CDH12: variants seen among roughly 807,000 people sequenced by gnomAD.
The protein encoded by CDH12 is cadherin 12.
A neutral mutation model predicts 74.1 loss-of-function variants in CDH12; 41 were observed. That is an observed-to-expected ratio of 0.55 (90% CI 0.43 to 0.72). The LOEUF (loss-of-function observed/expected upper bound fraction) is 0.72, where lower values mean the gene tolerates loss of function less well. Ranked by LOEUF, CDH12 falls within the 30% of genes least tolerant of loss-of-function variation. The probability of loss-of-function intolerance (pLI) is 0.00; values close to 1 mark genes in which losing one functional copy is unlikely to be tolerated. For missense variants in CDH12, 945 were observed against 977.2 expected, an observed-to-expected ratio of 0.97 and a Z score of 0.44; for synonymous variants, 399 against 355.0, an observed-to-expected ratio of 1.12 and a Z score of -1.39.
At chr5:22,411,241 A>G (rs1743157747) in intron 2 of CDH12, among the ~76,000 whole-genome samples, 1 of 152,062 alleles carries the variant, frequency 6.6e-6, no homozygotes, top group African/African-American at 2.4e-5. Flanking sequence ...AAAACTGCAT[A>G]TTAATAAATT....
intron 1 of CDH12, among the ~76,000 whole-genome samples, chr5:22,785,714 C>T (rs907419177): frequency 6.6e-6 from 1 of 152,042 alleles, no homozygotes; most frequent in Non-Finnish European, 1.5e-5. Flanking sequence ...GATGGGGTTT[C>T]GCCATGTTGC....
At chr5:22,175,976 C>T (rs573361570) in intron 4 of CDH12, among the ~76,000 whole-genome samples, 49 of 151,646 alleles carry the variant, frequency 3.2e-4, no homozygotes, top group African/African-American at 1.1e-3. Flanking sequence ...ATGTGTAGAT[C>T]ATTATAGGGC....
chr5:22,670,428 T>C (rs1488970920), intron 1 of CDH12, among the ~76,000 whole-genome samples: 2 of 152,200 alleles, frequency 1.3e-5, no homozygotes, highest in African/African-American at 4.8e-5. Context: ...AACAGAAAGC[T>C]GCCTCTACCA....
chr5:22,327,887 T>C (rs1739188335), intron 3 of CDH12, among the ~76,000 whole-genome samples: 1 of 152,180 alleles, frequency 6.6e-6, no homozygotes, highest in Non-Finnish European at 1.5e-5. Flanking sequence ...ATAAATAGAT[T>C]CCAAAAATAT....
chr5:21,880,689 T>TTCTTTCTA (rs1752303297), intron 6 of CDH12, among the ~76,000 whole-genome samples: 2 of 131,588 alleles, frequency 1.5e-5, no homozygotes, highest in African/African-American at 5.6e-5. Flanking sequence ...CTTTCTTTCT[T>TTCTTTCTA]TCTCTTTTCT....
At chr5:21,914,040 C>T (rs138159656) in intron 6 of CDH12, among the ~76,000 whole-genome samples, 1 of 152,130 alleles carries the variant, frequency 6.6e-6, no homozygotes, top group East Asian at 1.9e-4. Flanking sequence ...CCTTTTGATG[C>T]CAGAAAGGAC....
intron 3 of CDH12, among the ~76,000 whole-genome samples, chr5:22,221,400 T>C (rs1752009062): frequency 6.6e-6 from 1 of 151,892 alleles, no homozygotes; most frequent in Non-Finnish European, 1.5e-5. Context: ...TATATTATTC[T>C]ATCTGTAAAT....
chr5:22,739,138 T>C (rs1413245688), intron 1 of CDH12, among the ~76,000 whole-genome samples: 1 of 152,048 alleles, frequency 6.6e-6, no homozygotes, highest in Non-Finnish European at 1.5e-5. Flanking sequence ...GTTATCATGT[T>C]AATTTGGTTT....
chr5:22,584,128 T>C (rs1242429096), intron 1 of CDH12, among the ~76,000 whole-genome samples: 2 of 151,584 alleles, frequency 1.3e-5, no homozygotes, highest in Non-Finnish European at 1.5e-5. Flanking sequence ...TGAGACGGAG[T>C]CTTGCTCTGT....
intron 2 of CDH12, among the ~76,000 whole-genome samples, chr5:22,411,501 A>G (rs1367530268): frequency 6.6e-6 from 1 of 152,006 alleles, no homozygotes; most frequent in Non-Finnish European, 1.5e-5. Context: ...GCATAAATAA[A>G]CCTTCATAAA....
chr5:22,393,281 C>A (rs1038812585), intron 3 of CDH12, among the ~76,000 whole-genome samples: 1 of 152,038 alleles, frequency 6.6e-6, no homozygotes, highest in African/African-American at 2.4e-5. Flanking sequence ...AGTGAAGTGG[C>A]CATAAGCCAA....
intron 5 of CDH12, among the ~76,000 whole-genome samples, chr5:22,075,451 T>G (rs1403032778): frequency 6.6e-6 from 1 of 151,970 alleles, no homozygotes; most frequent in Non-Finnish European, 1.5e-5. Context: ...CCCTAAAACT[T>G]AAAGCATAAT....
At chr5:22,349,205 A>G (rs975028112) in intron 3 of CDH12, among the ~76,000 whole-genome samples, 1 of 152,160 alleles carries the variant, frequency 6.6e-6, no homozygotes, top group African/African-American at 2.4e-5. Flanking sequence ...TAAGAAATAC[A>G]TTTCTGTTGT....
chr5:21,759,741 C>A (rs1345274452), intron 13 of CDH12, among the ~76,000 whole-genome samples: 1 of 151,786 alleles, frequency 6.6e-6, no homozygotes, highest in Non-Finnish European at 1.5e-5. Context: ...CATAGGTAAA[C>A]ACGTGTCATG....
At chr5:22,675,112 A>T (rs1041383094) in intron 1 of CDH12, among the ~76,000 whole-genome samples, 7 of 152,170 alleles carry the variant, frequency 4.6e-5, no homozygotes, top group Non-Finnish European at 1.0e-4. Flanking sequence ...TTATGTTAAC[A>T]GAAGAGACCT....
chr5:22,629,597 G>T (rs2126854372), intron 1 of CDH12, among the ~76,000 whole-genome samples: 1 of 152,162 alleles, frequency 6.6e-6, no homozygotes, highest in East Asian at 1.9e-4. Flanking sequence ...ACTGGGCATT[G>T]AAAGAACATA....
chr5:22,682,879 C>A (rs1741570810), intron 1 of CDH12, among the ~76,000 whole-genome samples: 1 of 152,056 alleles, frequency 6.6e-6, no homozygotes, highest in Non-Finnish European at 1.5e-5. Context: ...ATTTTGCTAT[C>A]TTCCAAAGTT....
At chr5:21,806,019 C>G (rs1276567765) in intron 9 of CDH12, among the ~76,000 whole-genome samples, 1 of 152,028 alleles carries the variant, frequency 6.6e-6, no homozygotes, top group East Asian at 1.9e-4. Context: ...CCAGAATGTT[C>G]AGGAAACAAT....
chr5:21,838,266 A>C (rs1749650575), intron 8 of CDH12, among the ~76,000 whole-genome samples: 1 of 152,222 alleles, frequency 6.6e-6, no homozygotes, highest in Non-Finnish European at 1.5e-5. Flanking sequence ...ATGCTTTAAA[A>C]GTTCCAGTGC....
Sources: allele counts gnomAD v4.1 joint callset (sites outside exome capture counted in the v4.1 genomes callset), GRCh38; gene constraint gnomAD v4.1.1; transcripts MANE v1.5; gene names NCBI Gene and HGNC (gene_info 2026-07-23, HGNC 2026-07-21).